MAGI2: variants seen among roughly 807,000 people sequenced by gnomAD.
The protein encoded by MAGI2 is membrane associated guanylate kinase, WW and PDZ domain containing 2.
MAGI2 carries 35 observed loss-of-function variants against 133.3 expected under a neutral mutation model. The observed-to-expected ratio is 0.26, with a 90% CI of 0.20 to 0.35. The LOEUF is 0.35. Ranked by LOEUF, MAGI2 falls within the 10% of genes least tolerant of loss-of-function variation. The pLI, the probability that MAGI2 is intolerant of heterozygous loss-of-function variation, is 1.00. For synonymous variants in MAGI2, 729 were observed against 710.6 expected, an observed-to-expected ratio of 1.03 and a Z score of -0.41; for missense variants, 1,636 against 1,863.4, an observed-to-expected ratio of 0.88 and a Z score of 2.25.
intron 2 of MAGI2, among the ~76,000 whole-genome samples, chr7:78,978,475 G>A (rs185230514): frequency 2.0e-4 from 31 of 151,950 alleles, no homozygotes; most frequent in African/African-American, 6.7e-4. Context: ...CAAAACAGAT[G>A]AGGGGTTCAG....
chr7:78,933,158 G>A (rs1624161), intron 2 of MAGI2, among the ~76,000 whole-genome samples: 68,619 of 151,864 alleles, frequency 0.45, 16,628 homozygotes, highest in African/African-American at 0.63. Context: ...GCAGGACTGG[G>A]TGATGACTGG....
intron 2 of MAGI2, among the ~76,000 whole-genome samples, chr7:78,682,917 C>T (rs1320898504): frequency 6.6e-6 from 1 of 152,076 alleles, no homozygotes; most frequent in Non-Finnish European, 1.5e-5. Context: ...AACTGTTTTG[C>T]TTTATTGTGT....
At chr7:78,301,689 C>G (rs1427884078) in intron 9 of MAGI2, among the ~76,000 whole-genome samples, 1 of 152,174 alleles carries the variant, frequency 6.6e-6, no homozygotes, top group African/African-American at 2.4e-5. Context: ...GTTTTGTCCT[C>G]TGAAGTCTTA....
chr7:78,506,978 G>C (rs1303747481), intron 4 of MAGI2, among the ~76,000 whole-genome samples: 2 of 152,172 alleles, frequency 1.3e-5, no homozygotes, highest in African/African-American at 4.8e-5. Context: ...ATGTATCAGA[G>C]ATTACTGGAC....
At chr7:78,284,452 T>C (rs1277880444) in intron 9 of MAGI2, among the ~76,000 whole-genome samples, 2 of 69,130 alleles carry the variant, frequency 2.9e-5, no homozygotes, top group East Asian at 6.8e-4. Context: ...TTTCTTTTCT[T>C]TTTTTTTTTT....
intron 4 of MAGI2, among the ~76,000 whole-genome samples, chr7:78,511,130 G>A (rs1795524041): frequency 6.6e-6 from 1 of 152,204 alleles, no homozygotes; most frequent in South Asian, 2.1e-4. Context: ...AGCTGGCTTA[G>A]AATTTGAACT....
chr7:78,413,270 T>C (rs1246390990), intron 6 of MAGI2, among the ~76,000 whole-genome samples: 1 of 152,116 alleles, frequency 6.6e-6, no homozygotes. Context: ...ACACTGGCCT[T>C]ATATGTAATT....
chr7:78,822,529 C>T (rs1790218415), intron 2 of MAGI2, among the ~76,000 whole-genome samples: 1 of 151,856 alleles, frequency 6.6e-6, no homozygotes, highest in African/African-American at 2.4e-5. Flanking sequence ...TTTTTCTTGC[C>T]TTCCTTCTTT....
chr7:78,529,164 T>C (rs748261391), intron 3 of MAGI2, among the ~76,000 whole-genome samples: 1 of 152,210 alleles, frequency 6.6e-6, no homozygotes, highest in Non-Finnish European at 1.5e-5. Flanking sequence ...ATAGTTAAAT[T>C]TGACTAACAT....
chr7:79,161,796 A>G (rs554784858), intron 1 of MAGI2, among the ~76,000 whole-genome samples: 114 of 152,240 alleles, frequency 7.5e-4, no homozygotes, highest in African/African-American at 2.7e-3. Flanking sequence ...TAAAATTCAG[A>G]TCGCAATTTT....
chr7:78,974,174 G>A (rs778470437), intron 2 of MAGI2, among the ~76,000 whole-genome samples: 2 of 151,336 alleles, frequency 1.3e-5, no homozygotes, highest in Non-Finnish European at 1.5e-5. Context: ...AAGTGAGAAT[G>A]TACCTTGATG....
At chr7:78,610,830 G>A (rs780990470) in intron 3 of MAGI2, among the ~76,000 whole-genome samples, 66 of 152,130 alleles carry the variant, frequency 4.3e-4, no homozygotes, top group Non-Finnish European at 8.7e-4. Flanking sequence ...ACAAATAGAA[G>A]AGCAAAGCGA....
intron 1 of MAGI2, among the ~76,000 whole-genome samples, chr7:79,083,397 A>C: frequency 6.7e-6 from 1 of 149,802 alleles, no homozygotes; most frequent in East Asian, 2.0e-4. Context: ...AGATGGTGTT[A>C]GATTTTGTGC....
intron 2 of MAGI2, among the ~76,000 whole-genome samples, chr7:78,777,937 C>T (rs1826114363): frequency 6.6e-6 from 1 of 152,122 alleles, no homozygotes; most frequent in East Asian, 1.9e-4. Flanking sequence ...TATTAACAAT[C>T]CACATGAGAA....
chr7:78,460,023 C>T lies in MAGI2; in HGVS notation c.1045+29738G>A, dbSNP rs1789795251. On this transcript the variant is annotated intron_variant, in intron 6 of 21. Transcript: ENST00000354212. The stretch of plus-strand genomic sequence containing the variant: ...TTATTTTGCCTGTCTTCTAGTGTTT[C>T]CCAAAGAGACAACACAAGACAAGAA... Among the ~76,000 whole-genome samples the T allele has an allele frequency of 2.6e-5, 4 of 152,192 alleles. No homozygotes were observed. In the South Asian group the frequency reaches 6.2e-4, roughly 24 times the overall value.
rs188148311 is a variant in MAGI2 at position 78,471,691 on chromosome 7, C to T, written c.1045+18070G>A. On this transcript the variant is annotated intron_variant, in intron 6 of 21. Coordinates refer to ENST00000354212, the MANE Select transcript of MAGI2 (RefSeq NM_012301.4). ...CTGTAATCTCAGCCATTTGGGAGAACGAGGTGGGTGAATCAATGAGGTCAG... is the reference window on the plus strand; with the variant it reads ...CTGTAATCTCAGCCATTTGGGAGAATGAGGTGGGTGAATCAATGAGGTCAG... Among the ~76,000 whole-genome samples the T allele has an allele frequency of 5.3e-5, 8 of 152,002 alleles. No individual in the cohort carries two copies. In the South Asian group the frequency reaches 8.3e-4, roughly 16 times the overall value.
At chr7:79,173,261 AGT>A (rs1825787207) in intron 1 of MAGI2, among the ~76,000 whole-genome samples, 1 of 152,110 alleles carries the variant, frequency 6.6e-6, no homozygotes, top group Non-Finnish European at 1.5e-5. Context: ...TAAAAAAAGC[AGT>A]GTCATGTTCT....
chr7:78,770,859 C>A (rs1825516377), intron 2 of MAGI2: 2 of 152,594 alleles, frequency 1.3e-5, no homozygotes. Context: ...ACCTAGAGCT[C>A]TGTTCAAAGG....
intron 3 of MAGI2, chr7:78,618,195 G>A (rs544650801): frequency 6.6e-6 from 1 of 151,962 alleles, no homozygotes; most frequent in Non-Finnish European, 1.5e-5. Context: ...AAGAGCCACT[G>A]CTTATATCTA....
Sources: gnomAD v4.1 joint callset for allele counts (sites outside exome capture counted in the v4.1 genomes callset) on GRCh38, gnomAD v4.1.1 for gene constraint, MANE v1.5 for transcripts, NCBI Gene and HGNC (gene_info 2026-07-23, HGNC 2026-07-21) for gene names.